Variants in MAGI2 observed in about 807,000 individuals in gnomAD.
MAGI2 encodes the protein membrane-associated guanylate kinase, WW and PDZ domain-containing protein 2.
In MAGI2, 35 loss-of-function variants were observed where a neutral mutation model predicts 133.3. The ratio of observed to expected loss-of-function variants is 0.26; its 90% CI spans 0.20 to 0.35. The LOEUF (loss-of-function observed/expected upper bound fraction) is 0.35. Among genes scored for constraint, MAGI2 ranks in the 10% least tolerant of loss-of-function variants. The pLI is 1.00. For synonymous variants in MAGI2, 729 were observed against 710.6 expected (o/e 1.03, Z -0.41); for missense variants, 1,636 against 1,863.4 (o/e 0.88, Z 2.25).
At chr7:78,411,443 C>T (rs1319894295) in intron 6 of MAGI2, among the ~76,000 whole-genome samples, 5 of 151,924 alleles carry the variant, frequency 3.3e-5, no homozygotes, top group African/African-American at 9.7e-5. Flanking sequence ...GAATGGTTGT[C>T]GTATACCAAC....
intron 2 of MAGI2, among the ~76,000 whole-genome samples, chr7:78,846,956 T>C (rs939087710): frequency 5.3e-5 from 8 of 151,938 alleles, no homozygotes; most frequent in Non-Finnish European, 8.8e-5. Context: ...GTGGTCCTTA[T>C]ATAGGTCCCA....
rs1259602638 is a variant in MAGI2, at chr7:78,394,549, T to C, written c.1046-25336A>G. The stretch of plus-strand genomic sequence containing the variant: ...GCCCACTTCTCACCCCCCTCTCCCA[T>C]CTAACTCTTCTCTCTCCTCTACAGT... On this transcript the variant is annotated intron_variant, in intron 6 of 21. Coordinates refer to ENST00000354212, the MANE Select transcript of MAGI2 (RefSeq NM_012301.4). 7.9e-5 allele frequency among the ~76,000 whole-genome samples: 12 copies of C among 152,270 alleles called. No homozygotes were observed. In the South Asian group the frequency reaches 2.5e-3, roughly 32 times the overall value.
At chr7:78,282,606 C>T (rs1795733735) in intron 9 of MAGI2, among the ~76,000 whole-genome samples, 1 of 152,070 alleles carries the variant, frequency 6.6e-6, no homozygotes, top group Non-Finnish European at 1.5e-5. Context: ...GAAAAAAAGA[C>T]TTTCTGAATA....
chr7:79,161,042 G>C (rs1824302651), intron 1 of MAGI2, among the ~76,000 whole-genome samples: 1 of 151,294 alleles, frequency 6.6e-6, no homozygotes, highest in Admixed American at 6.6e-5. Context: ...AGGGTTCCTG[G>C]GATCAGAACA....
chr7:78,291,141 G>GA (rs1796665640), intron 9 of MAGI2, among the ~76,000 whole-genome samples: 1 of 152,140 alleles, frequency 6.6e-6, no homozygotes, highest in African/African-American at 2.4e-5. Context: ...ATGAATATGG[G>GA]AGCTGGTTTT....
intron 2 of MAGI2, among the ~76,000 whole-genome samples, chr7:78,945,385 T>C (rs569594781): frequency 1.3e-5 from 2 of 152,276 alleles, no homozygotes; most frequent in African/African-American, 4.8e-5. Context: ...ATAGATAACA[T>C]TGTATGTTTT....
chr7:78,923,415 T>C (rs1236106877), intron 2 of MAGI2, among the ~76,000 whole-genome samples: 1 of 152,218 alleles, frequency 6.6e-6, no homozygotes, highest in Non-Finnish European at 1.5e-5. Context: ...TACATATGGC[T>C]AGCCAGTTTT....
At chr7:79,135,832 T>C (rs1821350626) in intron 1 of MAGI2, among the ~76,000 whole-genome samples, 1 of 151,412 alleles carries the variant, frequency 6.6e-6, no homozygotes, top group Non-Finnish European at 1.5e-5. Context: ...TCCCAACTCC[T>C]TGGGAGGCTG....
At chr7:78,230,049 T>A (rs1193878322) in intron 10 of MAGI2, among the ~76,000 whole-genome samples, 1 of 152,250 alleles carries the variant, frequency 6.6e-6, no homozygotes, top group Non-Finnish European at 1.5e-5. Flanking sequence ...CATTGTCCTT[T>A]TTTTTGTCCT....
intron 2 of MAGI2, among the ~76,000 whole-genome samples, chr7:78,790,199 T>C (rs1827140559): frequency 6.6e-6 from 1 of 152,156 alleles, no homozygotes; most frequent in Non-Finnish European, 1.5e-5. Context: ...AATATTATAG[T>C]TATACATAAT....
chr7:79,016,725 T>C (rs528823456), intron 1 of MAGI2, among the ~76,000 whole-genome samples: 138 of 152,238 alleles, frequency 9.1e-4, no homozygotes, highest in African/African-American at 2.9e-3. Flanking sequence ...AGTGCTGCCA[T>C]TGCTATTGGA....
In MAGI2 at chr7:78,463,890, G is replaced by A. The variant is rs111936791; in HGVS notation, c.1045+25871C>T. ...TTGCTATAGATAATAGGAAGGAAGGGGGAATGAAAGAAGGGAGGAAGGTAG... is the reference window on the plus strand; with the variant it reads ...TTGCTATAGATAATAGGAAGGAAGGAGGAATGAAAGAAGGGAGGAAGGTAG... On this transcript the variant is annotated intron_variant, in intron 6 of 21. Coordinates refer to ENST00000354212, the MANE Select transcript of MAGI2 (RefSeq NM_012301.4). 5.5e-3 allele frequency among the ~76,000 whole-genome samples: 831 copies of A among 152,104 alleles called. 9 individuals are homozygous for A. The highest frequency in any genetic ancestry group is 8.2e-3 in the Non-Finnish European group (555 of 67,970).
At chr7:78,444,566 C>G (rs1787945135) in intron 6 of MAGI2, among the ~76,000 whole-genome samples, 1 of 151,954 alleles carries the variant, frequency 6.6e-6, no homozygotes, top group Non-Finnish European at 1.5e-5. Flanking sequence ...TTAGATTCAT[C>G]AAAAAACTGA....
intron 16 of MAGI2, among the ~76,000 whole-genome samples, chr7:78,152,929 A>G (rs998613476): frequency 6.6e-6 from 1 of 152,230 alleles, no homozygotes; most frequent in Admixed American, 6.5e-5. Context: ...AGAGAACATT[A>G]CATGTTGAGA....
chr7:78,704,789 T>TCCTTTTTTTTTTTC (rs71085558), intron 2 of MAGI2, among the ~76,000 whole-genome samples: 2 of 140,258 alleles, frequency 1.4e-5, no homozygotes, highest in African/African-American at 5.3e-5. Flanking sequence ...TTTTTTTTTT[T>TCCTTTTTTTTTTTC]TTTTTTTCTG....
chr7:79,328,974 G>T (rs1016442002), intron 1 of MAGI2, among the ~76,000 whole-genome samples: 15 of 152,144 alleles, frequency 9.9e-5, no homozygotes, highest in African/African-American at 3.4e-4. Flanking sequence ...TACAAATGTG[G>T]GGGCCCTACT....
intron 21 of MAGI2, among the ~76,000 whole-genome samples, chr7:78,026,516 A>T (rs1264472671): frequency 1.3e-5 from 2 of 152,352 alleles, no homozygotes; most frequent in East Asian, 3.9e-4. Context: ...AGAGGTTGAG[A>T]AAGAAAAATC....
rs1185502316 is a variant in MAGI2, at chr7:78,568,239, GTC to G, written c.539-46596_539-46595del. The stretch of plus-strand genomic sequence containing the variant: ...TATCTATACTCATTTCCTATATGAA[GTC>G]ATTCAGTCTTATGGATTTAAATACC... On this transcript the variant is annotated intron_variant, in intron 3 of 21. Transcript: ENST00000354212. 7 of 152,020 alleles carry G rather than the reference GTC, an allele frequency of 4.6e-5. No homozygotes were observed. In the East Asian group the frequency reaches 1.3e-3, roughly 29 times the overall value. 9.4% of individuals were successfully genotyped at this position (152,020 alleles called of 1,614,324 possible).
intron 3 of MAGI2, among the ~76,000 whole-genome samples, chr7:78,551,293 C>G (rs963541684): frequency 3.3e-5 from 5 of 152,178 alleles, no homozygotes; most frequent in African/African-American, 1.2e-4. Context: ...TGGGAACACT[C>G]TCAAATTTTT....
Sources: gnomAD v4.1 joint callset for allele counts (sites outside exome capture counted in the v4.1 genomes callset) on GRCh38, gnomAD v4.1.1 for gene constraint, MANE v1.5 for transcripts, NCBI Gene and HGNC (gene_info 2026-07-23, HGNC 2026-07-21) for gene names.